Variants in SV2C observed in about 807,000 individuals in gnomAD.
SV2C encodes the protein solute carrier family 22 member B3.
Under a neutral mutation model 79.7 loss-of-function variants are expected in SV2C, and 49 were observed. The observed-to-expected ratio is 0.61, with a 90% confidence interval of 0.49 to 0.78. The LOEUF is 0.78. Among genes scored for constraint, SV2C ranks in the 30% least tolerant of loss-of-function variants. The pLI is 0.00. For missense variants in SV2C, 833 were observed against 912.9 expected (o/e 0.91, Z 1.13); for synonymous variants, 334 against 333.2 (o/e 1.00, Z -0.03).
At chr5:75,998,360 C>A in the SV2C span, among the ~76,000 whole-genome samples, 1 of 151,866 alleles carries the variant, frequency 6.6e-6, no homozygotes, top group Non-Finnish European at 1.5e-5. Flanking sequence ...AAAAAAAGTC[C>A]CATGGGTAGT....
chr5:75,935,995 G>A, the SV2C span, among the ~76,000 whole-genome samples: 6 of 152,198 alleles, frequency 3.9e-5, no homozygotes, highest in Non-Finnish European at 1.5e-5. Flanking sequence ...CTCTATGTAT[G>A]CTTCATGTAG....
the SV2C span, among the ~76,000 whole-genome samples, chr5:75,963,604 G>T: frequency 6.6e-6 from 1 of 151,782 alleles, no homozygotes; most frequent in African/African-American, 2.4e-5. Flanking sequence ...TTATACTTTA[G>T]GTTCCAACAT....
chr5:75,943,402 C>T, the SV2C span, among the ~76,000 whole-genome samples: 1 of 152,144 alleles, frequency 6.6e-6, no homozygotes, highest in South Asian at 2.1e-4. Context: ...GAAGACATGT[C>T]TTTTCTGCTT....
chr5:76,018,435 T>TA, the SV2C span, among the ~76,000 whole-genome samples: 1 of 152,252 alleles, frequency 6.6e-6, no homozygotes, highest in East Asian at 1.9e-4. Flanking sequence ...TATACATGAA[T>TA]AAACGTAAAG....
In SV2C at chr5:76,298,820, T is replaced by A; in HGVS notation, c.1529T>A (p.Val510Glu). 6.2e-7 allele frequency: 1 copy of A among 1,613,980 alleles called. No individual in the cohort carries two copies. Among genetic ancestry groups the A allele is most frequent in the Middle Eastern group, 1.7e-4 (1 of 6,058 alleles). The change falls in exon 10 of 13, where the codon GTA becomes GAA. Residue 510 changes from valine (V) to glutamate (E), a missense_variant. Coordinates refer to ENST00000502798, the MANE Select transcript of SV2C (RefSeq NM_014979.4). ...GRFIGVKFKS[V>E]TFKDSVFKSC... is the part of the protein sequence containing the mutation. ...TTCATAGGGGTCAAGTTCAAATCTG[T>A]AACTTTCAAAGACTCTGTTTTTAAG...
chr5:76,270,105 G>A (rs1295972983), intron 4 of SV2C, among the ~76,000 whole-genome samples: 1 of 152,170 alleles, frequency 6.6e-6, no homozygotes, highest in African/African-American at 2.4e-5. Flanking sequence ...CTCCTGCAGG[G>A]TCATAAATCT....
At chr5:75,955,381 C>T in the SV2C span, among the ~76,000 whole-genome samples, 627 of 151,218 alleles carry the variant, frequency 4.1e-3, 8 homozygotes, top group African/African-American at 0.014. Flanking sequence ...TTACACCTTA[C>T]ACAAAAATCA....
the SV2C span, among the ~76,000 whole-genome samples, chr5:76,009,381 A>C: frequency 6.6e-6 from 1 of 152,192 alleles, no homozygotes; most frequent in African/African-American, 2.4e-5. Flanking sequence ...AAACAGAATT[A>C]CCATTTGACC....
At chr5:76,211,628 A>G (rs192665837) in intron 4 of SV2C, among the ~76,000 whole-genome samples, 1 of 152,216 alleles carries the variant, frequency 6.6e-6, no homozygotes, top group Admixed American at 6.5e-5. Context: ...AGATTTCAAA[A>G]ACTCATTCTT....
chr5:76,139,537 T>C (rs142066239), intron 2 of SV2C, among the ~76,000 whole-genome samples: 319 of 152,292 alleles, frequency 2.1e-3, no homozygotes, highest in Middle Eastern at 0.014. Context: ...AGGTTGACCA[T>C]TGGGAGACTG....
the SV2C span, among the ~76,000 whole-genome samples, chr5:75,949,998 T>C: frequency 2.6e-5 from 4 of 151,956 alleles, no homozygotes; most frequent in African/African-American, 7.3e-5. Context: ...GGAAGGATAA[T>C]GTTGCCTGAG....
intron 4 of SV2C, among the ~76,000 whole-genome samples, chr5:76,229,732 A>G (rs758496099): frequency 2.0e-5 from 3 of 152,232 alleles, no homozygotes; most frequent in Non-Finnish European, 2.9e-5. Flanking sequence ...CAAGGGCGAA[A>G]GCCCTCCCTC....
At chr5:76,176,676 G>A (rs1362250490) in intron 2 of SV2C, among the ~76,000 whole-genome samples, 1 of 152,188 alleles carries the variant, frequency 6.6e-6, no homozygotes, top group Admixed American at 6.5e-5. Flanking sequence ...GACCAAGAGG[G>A]AAAACTTTCT....
At chr5:76,085,675 C>T (rs1052797228) in intron 1 of SV2C, among the ~76,000 whole-genome samples, 3 of 152,126 alleles carry the variant, frequency 2.0e-5, no homozygotes, top group Non-Finnish European at 2.9e-5. Context: ...TTGGGTTCAT[C>T]TTCCACCTCT....
the SV2C span, among the ~76,000 whole-genome samples, chr5:76,029,951 C>T: frequency 6.6e-6 from 1 of 152,114 alleles, no homozygotes; most frequent in African/African-American, 2.4e-5. Flanking sequence ...TGCTTCAGTT[C>T]CTCTTTTCAG....
chr5:76,348,552 G>A (rs1354714224), intron 12 of SV2C, among the ~76,000 whole-genome samples: 2 of 152,262 alleles, frequency 1.3e-5, no homozygotes, highest in African/African-American at 4.8e-5. Context: ...CTCACCAGCA[G>A]TGAATGAGAG....
At chr5:76,032,403 C>T in the SV2C span, among the ~76,000 whole-genome samples, 6 of 152,258 alleles carry the variant, frequency 3.9e-5, no homozygotes, top group African/African-American at 1.4e-4. Flanking sequence ...CCCTCTCCCC[C>T]GACCCCACAA....
chr5:76,279,666 G>A (rs1050096105), intron 4 of SV2C, among the ~76,000 whole-genome samples: 1 of 152,174 alleles, frequency 6.6e-6, no homozygotes, highest in African/African-American at 2.4e-5. Context: ...AATACTGGGG[G>A]AGAAAGTGGA....
intron 4 of SV2C, among the ~76,000 whole-genome samples, chr5:76,223,941 ATCTCTC>A (rs1480934354): frequency 6.6e-6 from 1 of 151,394 alleles, no homozygotes; most frequent in East Asian, 1.9e-4. Context: ...GGGGATGGGC[ATCTCTC>A]TCTTCTGTTT....
Sources: gnomAD v4.1 joint callset for allele counts (sites outside exome capture counted in the v4.1 genomes callset) on GRCh38, gnomAD v4.1.1 for gene constraint, MANE v1.5 for transcripts, NCBI Gene and HGNC (gene_info 2026-07-23, HGNC 2026-07-21) for gene names.